PTPRT: variants seen among roughly 807,000 people sequenced by gnomAD.
PTPRT encodes protein tyrosine phosphatase receptor type T.
A neutral mutation model predicts 176.8 loss-of-function variants in PTPRT; 56 were observed. That is an observed-to-expected ratio of 0.32 (90% CI 0.26 to 0.40). The LOEUF is 0.40. PTPRT is among the 10% of genes least tolerant of loss of function. The probability of loss-of-function intolerance (pLI) is 1.00; values close to 1 mark genes in which losing one functional copy is unlikely to be tolerated. For missense variants in PTPRT, 1,540 were observed against 1,908.2 expected (o/e 0.81, Z 3.60); for synonymous variants, 783 against 739.0 (o/e 1.06, Z -0.96).
At chr20:42,856,108 G>A (rs2078558678) in intron 2 of PTPRT, among the ~76,000 whole-genome samples, 1 of 152,156 alleles carries the variant, frequency 6.6e-6, no homozygotes. Flanking sequence ...ACCCCAGGAA[G>A]AGGATCAACT....
intron 7 of PTPRT, among the ~76,000 whole-genome samples, chr20:42,520,338 C>A (rs1274950596): frequency 6.6e-6 from 1 of 152,066 alleles, no homozygotes; most frequent in Non-Finnish European, 1.5e-5. Flanking sequence ...AATTTGCTGG[C>A]CATCATGGAA....
At chr20:42,107,774 T>C (rs1209366952) in intron 23 of PTPRT, among the ~76,000 whole-genome samples, 1 of 152,152 alleles carries the variant, frequency 6.6e-6, no homozygotes, top group Non-Finnish European at 1.5e-5. Context: ...TCTAACAATG[T>C]AGATGTCAAA....
chr20:42,072,388 T>C (rs930158453), downstream of PTPRT, among the ~76,000 whole-genome samples: 8 of 152,200 alleles, frequency 5.3e-5, no homozygotes, highest in Admixed American at 4.6e-4. Flanking sequence ...TATGCAGCCA[T>C]AGCTAGCTGA....
At chr20:43,019,797 T>C (rs2146173159) in intron 1 of PTPRT, among the ~76,000 whole-genome samples, 1 of 151,772 alleles carries the variant, frequency 6.6e-6, no homozygotes, top group Admixed American at 6.6e-5. Context: ...AAGAGTGACG[T>C]CTCTGGGTCT....
chr20:43,118,580 C>T (rs1009111670), intron 1 of PTPRT, among the ~76,000 whole-genome samples: 1 of 152,106 alleles, frequency 6.6e-6, no homozygotes, highest in South Asian at 2.1e-4. Context: ...GCTGTGACTA[C>T]AGGCACACGC....
At chr20:43,032,159 TA>T (rs1463599118) in intron 1 of PTPRT, among the ~76,000 whole-genome samples, 1 of 152,156 alleles carries the variant, frequency 6.6e-6, no homozygotes. Context: ...CTGAGGCACA[TA>T]ACATGTATGC....
chr20:42,494,816 G>T (rs1223402530), intron 7 of PTPRT, among the ~76,000 whole-genome samples: 1 of 152,158 alleles, frequency 6.6e-6, no homozygotes, highest in East Asian at 1.9e-4. Flanking sequence ...TAGATGGATA[G>T]ATACGTGAAA....
At chr20:42,788,329 G>A (rs2077322381) in intron 3 of PTPRT, among the ~76,000 whole-genome samples, 1 of 152,096 alleles carries the variant, frequency 6.6e-6, no homozygotes, top group African/African-American at 2.4e-5. Context: ...AAGCAGATGA[G>A]AATAGGGAGC....
intron 19 of PTPRT, among the ~76,000 whole-genome samples, chr20:42,127,417 T>TCACA (rs958836373): frequency 4.6e-5 from 7 of 150,998 alleles, no homozygotes; most frequent in Middle Eastern, 3.4e-3. Context: ...TCTCTCTCTC[T>TCACA]CACACACACA....
intron 1 of PTPRT, among the ~76,000 whole-genome samples, chr20:43,021,846 G>A (rs894144488): frequency 3.3e-5 from 5 of 149,878 alleles, no homozygotes; most frequent in Non-Finnish European, 3.0e-5. Flanking sequence ...TTGAGTCAAG[G>A]GTGTATGGTT....
intron 1 of PTPRT, among the ~76,000 whole-genome samples, chr20:42,993,431 A>T (rs2146111872): frequency 8.6e-6 from 1 of 115,678 alleles, no homozygotes; most frequent in Middle Eastern, 4.4e-3. Flanking sequence ...AAAAAAAAAA[A>T]GTATGTGTGT....
At chr20:42,538,681 C>T (rs556550168) in intron 7 of PTPRT, among the ~76,000 whole-genome samples, 255 of 152,298 alleles carry the variant, frequency 1.7e-3, no homozygotes, top group Middle Eastern at 6.8e-3. Flanking sequence ...AATCCTGATG[C>T]TCTCATACAT....
At chr20:42,293,862 G>T (rs1344190766) in intron 12 of PTPRT, among the ~76,000 whole-genome samples, 1 of 152,110 alleles carries the variant, frequency 6.6e-6, no homozygotes, top group African/African-American at 2.4e-5. Context: ...ACTTCCCACA[G>T]TCAATCAACC....
intron 13 of PTPRT, among the ~76,000 whole-genome samples, chr20:42,258,965 A>T (rs1397438834): frequency 6.6e-6 from 1 of 152,232 alleles, no homozygotes. Context: ...AGTCCTAAGA[A>T]GTTAGAATTG....
intron 1 of PTPRT, among the ~76,000 whole-genome samples, chr20:43,078,361 A>G (rs6030634): frequency 0.17 from 25,937 of 152,174 alleles, 3,628 homozygotes; most frequent in African/African-American, 0.39. Context: ...CTGTGAAGAT[A>G]AGGAATAGAT....
intron 13 of PTPRT, among the ~76,000 whole-genome samples, chr20:42,251,464 ATAAT>A (rs2056550081): frequency 6.6e-6 from 1 of 152,184 alleles, no homozygotes; most frequent in African/African-American, 2.4e-5. Flanking sequence ...GTAGGGGAAT[ATAAT>A]TAATAAATCA....
chr20:42,721,670 T>C (rs2076305467), intron 6 of PTPRT, among the ~76,000 whole-genome samples: 1 of 152,182 alleles, frequency 6.6e-6, no homozygotes, highest in Non-Finnish European at 1.5e-5. Flanking sequence ...GGGGCTGACA[T>C]CAGAGCAGCA....
At chr20:42,217,993 G>C (rs903481020) in intron 15 of PTPRT, among the ~76,000 whole-genome samples, 1 of 152,264 alleles carries the variant, frequency 6.6e-6, no homozygotes, top group Admixed American at 6.5e-5. Flanking sequence ...TCGTAAAACA[G>C]GTAAAGGGAA....
chr20:42,925,747 A>C (rs971142630), intron 1 of PTPRT, among the ~76,000 whole-genome samples: 3 of 152,184 alleles, frequency 2.0e-5, no homozygotes, highest in Non-Finnish European at 4.4e-5. Context: ...GAGAATCTGC[A>C]TGTCTAGCAA....
Sources: allele counts gnomAD v4.1 joint callset (sites outside exome capture counted in the v4.1 genomes callset), GRCh38; gene constraint gnomAD v4.1.1; transcripts MANE v1.5; gene names NCBI Gene and HGNC (gene_info 2026-07-23, HGNC 2026-07-21).